TLK2: variants seen among roughly 807,000 people sequenced by gnomAD.
The protein encoded by TLK2 is tousled like kinase 2, also known as serine/threonine-protein kinase tousled-like 2.
Under a neutral mutation model 117.3 loss-of-function variants are expected in TLK2, and 6 were observed. The observed-to-expected ratio is 0.05, with a 90% CI of 0.03 to 0.10. The LOEUF (loss-of-function observed/expected upper bound fraction) is 0.10. Ranked by LOEUF, TLK2 falls within the 10% of genes least tolerant of loss-of-function variation. The pLI, the probability that TLK2 is intolerant of heterozygous loss-of-function variation, is 1.00. For synonymous variants in TLK2, 257 were observed against 316.7 expected (o/e 0.81, Z 2.00); for missense variants, 299 against 901.2 (o/e 0.33, Z 8.56).
At chr17:62,564,958 G>A in intron 10 of TLK2, 43 bp from the exon 11 acceptor site, 1 of 1,579,350 alleles carries the variant, frequency 6.3e-7, no homozygotes, top group East Asian at 2.2e-5. Context: ...CTTTATCCAT[G>A]CTAATTGGTA....
intron 2 of TLK2, among the ~76,000 whole-genome samples, chr17:62,486,626 G>A (rs1438297204): frequency 6.6e-6 from 1 of 152,194 alleles, no homozygotes; most frequent in Non-Finnish European, 1.5e-5. Flanking sequence ...AGTCTCAGCA[G>A]TTCTGGAGAC....
intron 15 of TLK2, chr17:62,585,759 A>G (rs971004342): frequency 6.3e-6 from 1 of 159,502 alleles, no homozygotes; most frequent in South Asian, 2.0e-4. Context: ...AAGTGACAGG[A>G]TGTTTGAAGC....
At position 62,599,303 on chromosome 17, in the gene TLK2, G is replaced by T. The variant is rs568483253; in HGVS notation, c.1551-1348G>T. ...TACATAAGATATTGTTCAGTTTGTGGTGTCCACAGGACCATGTGTGTCCAT... is the reference window on the plus strand; with the variant it reads ...TACATAAGATATTGTTCAGTTTGTGTTGTCCACAGGACCATGTGTGTCCAT... On this transcript the variant is annotated intron_variant, in intron 17 of 21. Transcript: ENST00000346027. Among the ~76,000 whole-genome samples the T allele has an allele frequency of 5.3e-5, 8 of 152,300 alleles. No homozygotes were observed. In the South Asian group the frequency reaches 1.7e-3, roughly 32 times the overall value.
chr17:62,482,090 A>G (rs1407787614), intron 2 of TLK2, among the ~76,000 whole-genome samples: 4 of 151,420 alleles, frequency 2.6e-5, no homozygotes, highest in African/African-American at 9.7e-5. Flanking sequence ...CTGGGATTAC[A>G]GGTGCCCGCC....
intron 19 of TLK2, among the ~76,000 whole-genome samples, chr17:62,602,989 C>G (rs977996957): frequency 2.0e-5 from 3 of 152,128 alleles, no homozygotes; most frequent in Non-Finnish European, 4.4e-5. Flanking sequence ...AGTCCAAATA[C>G]AAGTCTCTCT....
intron 1 of TLK2, among the ~76,000 whole-genome samples, chr17:62,479,976 G>C (rs73992023): frequency 3.0e-4 from 46 of 152,290 alleles, no homozygotes; most frequent in African/African-American, 1.1e-3. Flanking sequence ...TTTTTGTAAA[G>C]ATGCATTTCA....
chr17:62,504,530 A>T (rs1477218274), intron 2 of TLK2, among the ~76,000 whole-genome samples: 3 of 152,156 alleles, frequency 2.0e-5, no homozygotes, highest in African/African-American at 7.2e-5. Flanking sequence ...TAGGCAGGGC[A>T]TGGTGGCTCA....
intron 16 of TLK2, among the ~76,000 whole-genome samples, chr17:62,594,238 T>C (rs1334032543): frequency 6.6e-6 from 1 of 151,924 alleles, no homozygotes; most frequent in Non-Finnish European, 1.5e-5. Context: ...CAAAACCCCC[T>C]CTCTACTAAA....
intron 2 of TLK2, among the ~76,000 whole-genome samples, chr17:62,483,496 C>T (rs4731478): frequency 0.34 from 51,130 of 152,012 alleles, 8,801 homozygotes; most frequent in Admixed American, 0.4. Context: ...AGAAATTTAC[C>T]TATTTCCAGT....
intron 10 of TLK2, among the ~76,000 whole-genome samples, chr17:62,563,184 C>T (rs1434000607): frequency 2.0e-5 from 3 of 152,154 alleles, no homozygotes; most frequent in East Asian, 3.8e-4. Context: ...AGACACAGTT[C>T]CTGCCATCAG....
intron 1 of TLK2, among the ~76,000 whole-genome samples, chr17:62,472,038 TG>T (rs2070952246): frequency 6.6e-6 from 1 of 151,424 alleles, no homozygotes; most frequent in Non-Finnish European, 1.5e-5. Context: ...CCCAAGTAGC[TG>T]GGACTACAGG....
chr17:62,607,965 T>C (rs2083441437), intron 20 of TLK2, 76 bp from the exon 21 acceptor site: 9 of 1,232,888 alleles, frequency 7.3e-6, no homozygotes, highest in Non-Finnish European at 1.0e-5. Context: ...ATCCTTTTCC[T>C]TCCCTGGGGT....
At chr17:62,557,049 T>A (rs992252310) in intron 9 of TLK2, among the ~76,000 whole-genome samples, 1 of 152,186 alleles carries the variant, frequency 6.6e-6, no homozygotes, top group African/African-American at 2.4e-5. Context: ...TTCAGCCTCC[T>A]GAATAGCTGG....
At chr17:62,592,658 G>A (rs2082164774) in intron 16 of TLK2, among the ~76,000 whole-genome samples, 2 of 152,186 alleles carry the variant, frequency 1.3e-5, no homozygotes, top group African/African-American at 4.8e-5. Flanking sequence ...CCGGTTTTGT[G>A]GAAGACAGTT....
chr17:62,499,880 GT>G (rs1192554886), intron 2 of TLK2, among the ~76,000 whole-genome samples: 4 of 151,392 alleles, frequency 2.6e-5, no homozygotes, highest in African/African-American at 9.7e-5. Context: ...AGAATTATTT[GT>G]TGTGAAAAAC....
chr17:62,505,830 T>A (rs2074639027), intron 2 of TLK2, among the ~76,000 whole-genome samples: 3 of 152,160 alleles, frequency 2.0e-5, no homozygotes, highest in African/African-American at 7.2e-5. Context: ...TAGCTGGGAC[T>A]GCAGGTGCAT....
intron 21 of TLK2, chr17:62,611,822 A>G (rs1338107492): frequency 2.6e-5 from 4 of 152,206 alleles, no homozygotes; most frequent in Non-Finnish European, 5.9e-5. Flanking sequence ...TCCGTGTGCA[A>G]CCCCACTCAC....
chr17:62,478,994 C>G lies in TLK2; in HGVS notation c.-302C>G, dbSNP rs1460507804. The G allele has an allele frequency of 1.3e-5, 2 of 150,834 alleles. No individual in the cohort carries two copies. Among genetic ancestry groups the G allele is most frequent in the Non-Finnish European group, 3.0e-5 (2 of 67,548 alleles). The allele number at this position is 150,834 out of a possible 1,614,324, so 9.3% of individuals were successfully genotyped here. ...CTCCTGCGCCTCCCTTGGCCTTTGT[C>G]CGGCGCCAGGAGGCCGGTCCCGCGC... On this transcript the variant is annotated 5_prime_UTR_variant, in exon 1 of 22. Transcript: ENST00000346027.
At chr17:62,601,666 C>G (rs1371306626) in intron 18 of TLK2, among the ~76,000 whole-genome samples, 2 of 152,162 alleles carry the variant, frequency 1.3e-5, no homozygotes, top group Non-Finnish European at 1.5e-5. Flanking sequence ...TTCTTTGATT[C>G]CTCCCCCACA....
Sources: allele counts gnomAD v4.1 joint callset (sites outside exome capture counted in the v4.1 genomes callset), GRCh38; gene constraint gnomAD v4.1.1; transcripts MANE v1.5; gene names NCBI Gene and HGNC (gene_info 2026-07-23, HGNC 2026-07-21).